The following HS6ST3 variants were observed in gnomAD, a reference collection of about 807,000 sequenced individuals.
HS6ST3 encodes the protein heparan sulfate 6-O-sulfotransferase 3.
HS6ST3 carries 12 observed loss-of-function variants against 36.7 expected under a neutral mutation model. The ratio of observed to expected loss-of-function variants is 0.33; its 90% CI spans 0.21 to 0.53. The LOEUF (loss-of-function observed/expected upper bound fraction) is 0.53, where lower values mean the gene tolerates loss of function less well. Among genes scored for constraint, HS6ST3 ranks in the 20% least tolerant of loss-of-function variants. The pLI is 0.95. For synonymous variants in HS6ST3, 240 were observed against 257.5 expected (o/e 0.93, Z 0.65); for missense variants, 584 against 640.9 (o/e 0.91, Z 0.96).
At chr13:96,109,881 C>G (rs2053859655) in intron 1 of HS6ST3, among the ~76,000 whole-genome samples, 1 of 152,086 alleles carries the variant, frequency 6.6e-6, no homozygotes. Context: ...GGGTACTGGG[C>G]TGGGCATTGG....
intron 1 of HS6ST3, among the ~76,000 whole-genome samples, chr13:96,273,362 G>A (rs1248073763): frequency 6.6e-6 from 1 of 151,990 alleles, no homozygotes; most frequent in Admixed American, 6.6e-5. Context: ...GACTGGCAGA[G>A]TTTCAGATAC....
At chr13:96,212,542 G>A (rs953763040) in intron 1 of HS6ST3, among the ~76,000 whole-genome samples, 2 of 152,210 alleles carry the variant, frequency 1.3e-5, no homozygotes, top group Admixed American at 6.5e-5. Context: ...AATGCATTCC[G>A]GTTTGAAAGT....
chr13:96,527,442 A>G (rs905409198), intron 1 of HS6ST3, among the ~76,000 whole-genome samples: 9 of 152,216 alleles, frequency 5.9e-5, no homozygotes, highest in Admixed American at 5.2e-4. Context: ...CATGTAGCTT[A>G]TATTTGAGTG....
chr13:96,579,713 T>G (rs1369157162), intron 1 of HS6ST3, among the ~76,000 whole-genome samples: 2 of 152,204 alleles, frequency 1.3e-5, no homozygotes, highest in Non-Finnish European at 2.9e-5. Context: ...TATTTTTTTC[T>G]ACCCAGGAAG....
chr13:96,653,984 T>C (rs2139014547), intron 1 of HS6ST3, among the ~76,000 whole-genome samples: 1 of 152,310 alleles, frequency 6.6e-6, no homozygotes, highest in Middle Eastern at 3.4e-3. Context: ...TTTCATATGT[T>C]TGTTGGCCAC....
intron 1 of HS6ST3, among the ~76,000 whole-genome samples, chr13:96,254,740 G>C (rs2054628816): frequency 6.6e-6 from 1 of 151,942 alleles, no homozygotes; most frequent in African/African-American, 2.4e-5. Flanking sequence ...ACAGACTCCA[G>C]AGAGAAGCTC....
intron 1 of HS6ST3, among the ~76,000 whole-genome samples, chr13:96,443,447 A>G (rs539447366): frequency 1.3e-4 from 20 of 149,944 alleles, no homozygotes; most frequent in Non-Finnish European, 2.5e-4. Flanking sequence ...GGAGAATGGC[A>G]TGAACCCGGG....
At chr13:96,357,036 AC>A (rs2055213538) in intron 1 of HS6ST3, among the ~76,000 whole-genome samples, 1 of 152,040 alleles carries the variant, frequency 6.6e-6, no homozygotes, top group Non-Finnish European at 1.5e-5. Flanking sequence ...ACATGAACTC[AC>A]CTCTGCTAGC....
chr13:96,155,949 C>G (rs2054108616), intron 1 of HS6ST3, among the ~76,000 whole-genome samples: 1 of 152,144 alleles, frequency 6.6e-6, no homozygotes, highest in South Asian at 2.1e-4. Context: ...AAGGCTCAGG[C>G]ACGTGATTTC....
chr13:96,608,619 T>G (rs1435507428), intron 1 of HS6ST3, among the ~76,000 whole-genome samples: 1 of 152,208 alleles, frequency 6.6e-6, no homozygotes, highest in Non-Finnish European at 1.5e-5. Flanking sequence ...TTCCAAAAGA[T>G]AAATTGCAGG....
chr13:96,253,073 G>C (rs1254557016), intron 1 of HS6ST3, among the ~76,000 whole-genome samples: 6 of 152,054 alleles, frequency 3.9e-5, no homozygotes, highest in Admixed American at 3.9e-4. Context: ...TTGCCCATTG[G>C]GACCACACAG....
intron 1 of HS6ST3, among the ~76,000 whole-genome samples, chr13:96,322,699 G>A (rs1195676379): frequency 2.0e-4 from 30 of 152,022 alleles, no homozygotes; most frequent in Non-Finnish European, 1.5e-5. Context: ...ACTTTACAGC[G>A]AAACTCTAAA....
At chr13:96,780,549 T>C (rs932616958) in intron 1 of HS6ST3, among the ~76,000 whole-genome samples, 20 of 152,146 alleles carry the variant, frequency 1.3e-4, no homozygotes, top group African/African-American at 4.1e-4. Context: ...ATTGAGTGAA[T>C]GCTAGAGATC....
At chr13:96,317,356 A>AAAAAAT (rs1399381667) in intron 1 of HS6ST3, among the ~76,000 whole-genome samples, 5 of 14,184 alleles carry the variant, frequency 3.5e-4, no homozygotes, top group African/African-American at 7.6e-4. Flanking sequence ...ATATATATAT[A>AAAAAAT]TATATATATA....
At chr13:96,336,408 C>A (rs1397682098) in intron 1 of HS6ST3, among the ~76,000 whole-genome samples, 2 of 152,152 alleles carry the variant, frequency 1.3e-5, no homozygotes, top group African/African-American at 2.4e-5. Context: ...GGAGCCCCAA[C>A]CCCCAGTGGT....
At chr13:96,497,481 T>G (rs1321445308) in intron 1 of HS6ST3, among the ~76,000 whole-genome samples, 3 of 152,188 alleles carry the variant, frequency 2.0e-5, no homozygotes, top group Admixed American at 2.0e-4. Context: ...CAATCCATTT[T>G]TATGTACCCT....
At chr13:96,332,322 G>C (rs1174049635) in intron 1 of HS6ST3, among the ~76,000 whole-genome samples, 2 of 152,092 alleles carry the variant, frequency 1.3e-5, no homozygotes, top group African/African-American at 4.8e-5. Context: ...GAGGTATATG[G>C]CTCTTGCAGA....
intron 1 of HS6ST3, among the ~76,000 whole-genome samples, chr13:96,501,093 T>A (rs1354041982): frequency 6.6e-6 from 1 of 152,042 alleles, no homozygotes; most frequent in African/African-American, 2.4e-5. Context: ...TAAAATGCCT[T>A]TTGGTGGAGG....
intron 1 of HS6ST3, among the ~76,000 whole-genome samples, chr13:96,780,089 C>T (rs189525415): frequency 1.2e-4 from 18 of 152,172 alleles, no homozygotes; most frequent in Admixed American, 9.2e-4. Context: ...GTTCCTAAGG[C>T]AAGGCTCAGA....
Sources: allele counts gnomAD v4.1 joint callset (sites outside exome capture counted in the v4.1 genomes callset), GRCh38; gene constraint gnomAD v4.1.1; transcripts MANE v1.5; gene names NCBI Gene and HGNC (gene_info 2026-07-23, HGNC 2026-07-21).